The following ADCY6 variants were observed in gnomAD, a reference collection of about 807,000 sequenced individuals.
ADCY6 encodes adenylate cyclase 6.
ADCY6 carries 59 observed loss-of-function variants against 111.6 expected under a neutral mutation model. The ratio of observed to expected loss-of-function variants is 0.53; its 90% confidence interval spans 0.43 to 0.66. ADCY6 has a LOEUF of 0.66. ADCY6 is among the 30% of genes least tolerant of loss of function. The pLI is 0.00. For missense variants in ADCY6, 1,242 were observed against 1,595.6 expected (o/e 0.78, Z 3.78); for synonymous variants, 576 against 642.9 (o/e 0.90, Z 1.57).
intron 2 of ADCY6, 82 bp from the exon 3 acceptor site, chr12:48,778,339 T>C: frequency 2.5e-6 from 4 of 1,578,658 alleles, no homozygotes; most frequent in Non-Finnish European, 3.5e-6. Flanking sequence ...CACAACTTGC[T>C]AGGTTCTCTG....
At chr12:48,786,593 C>T (rs575482395) in intron 1 of ADCY6, among the ~76,000 whole-genome samples, 1 of 152,282 alleles carries the variant, frequency 6.6e-6, no homozygotes, top group East Asian at 1.9e-4. Context: ...GAACTCCTAA[C>T]CTCAGGTGAT....
At chr12:48,784,314 G>GGAAAT (rs1245882459) in intron 1 of ADCY6, among the ~76,000 whole-genome samples, 1 of 139,446 alleles carries the variant, frequency 7.2e-6, no homozygotes, top group Non-Finnish European at 1.5e-5. Context: ...GGGAAGGGAG[G>GGAAAT]GAAATAAAAT....
At position 48,774,624 on chromosome 12, in the gene ADCY6, T is replaced by C; in HGVS notation, c.2166+67A>G. On this transcript the variant is annotated intron_variant, in intron 13 of 21. Coordinates refer to ENST00000357869, the MANE Select transcript of ADCY6 (RefSeq NM_015270.5). ...AGGCATGGCCTTCTCCCTCTCCCCATGTGACCTCCTCCCTGTCTGGAGTCC... is the reference window on the plus strand; with the variant it reads ...AGGCATGGCCTTCTCCCTCTCCCCACGTGACCTCCTCCCTGTCTGGAGTCC... The C allele has an allele frequency of 3.8e-6, 6 of 1,580,292 alleles. No individual in the cohort carries two copies. In the East Asian group the frequency reaches 9.0e-5, roughly 24 times the overall value.
intron 2 of ADCY6, 155 bp from the exon 3 acceptor site, chr12:48,778,412 T>C: frequency 1.2e-6 from 1 of 811,432 alleles, no homozygotes; most frequent in Non-Finnish European, 2.0e-6. Context: ...CTGCAATATA[T>C]CTCTCCCATT....
At chr12:48,769,762 T>TG (rs1941479000) in intron 20 of ADCY6, among the ~76,000 whole-genome samples, 1 of 148,366 alleles carries the variant, frequency 6.7e-6, no homozygotes, top group Non-Finnish European at 1.5e-5. Flanking sequence ...AATTTTTGTT[T>TG]TTTTTTTTTT....
rs540394715 is a variant in ADCY6, at chr12:48,774,732, G to A, written c.2125C>T (p.Leu709=). The A allele has an allele frequency of 6.2e-7, 1 of 1,614,122 alleles. No homozygotes were observed. The highest frequency in any genetic ancestry group is 1.3e-5 in the African/African-American group (1 of 75,026). ...GIYASIFLLL[L]ITVLICAVYS... is the part of the protein sequence containing the mutation. ...ACAGCACAGATCAGCACGGTGATTA[G>A]CAGCAGCAGGAAGATGCTGGCATAG... is the stretch of plus-strand genomic sequence containing the variant. Residue 709 remains leucine, a synonymous_variant, in exon 13 of 22, where the codon CTA becomes TTA. Transcript: ENST00000357869.
chr12:48,768,268 T>G lies in ADCY6; in HGVS notation c.*323A>C. On this transcript the variant is annotated 3_prime_UTR_variant, in exon 22 of 22. Transcript: ENST00000357869. Reference sequence around the variant, plus strand: ...GAAGGGTAGGCATGGCAAGCTGCCATTTTAATCCCTCAGGCAAGAGGCCTC... The same window carrying G: ...GAAGGGTAGGCATGGCAAGCTGCCAGTTTAATCCCTCAGGCAAGAGGCCTC... 1 of 410,426 alleles carries G rather than the reference T, an allele frequency of 2.4e-6. No individual in the cohort carries two copies. The allele number at this position is 410,426 out of a possible 1,614,324, so 25.4% of individuals were successfully genotyped here.
Position 48,776,625 on chromosome 12 carries a change from TC to T in ADCY6, c.1377-40del, listed in dbSNP as rs747776660. Reference sequence around the variant, plus strand: ...GCCCCAGATCAGCTCCTGGCAGTCTTCCCCTCCCCCAGCCCACAACCCAGGC... The same window carrying T: ...GCCCCAGATCAGCTCCTGGCAGTCTTCCCTCCCCCAGCCCACAACCCAGGC... On this transcript the variant is annotated intron_variant, in intron 6 of 21. Transcript: ENST00000357869. The surrounding 1 kb of genome is among the most constrained non-coding windows in gnomAD (Gnocchi z 6.1). 1 of 1,573,132 alleles carries T rather than the reference TC, an allele frequency of 6.4e-7. No individual in the cohort carries two copies. Among genetic ancestry groups the T allele is most frequent in the Non-Finnish European group, 8.6e-7 (1 of 1,162,192 alleles).
Position 48,772,321 on chromosome 12 carries a change from G to T in ADCY6, c.2761C>A (p.Arg921Ser). The change falls in exon 18 of 22, where the codon CGC (arginine) becomes AGC (serine). Residue 921 changes from arginine to serine, a missense_variant. Transcript: ENST00000357869. ...TGTAGTTTCCAGAGGAAGTCTAGGC[G>T]GGCAGTCGACTCCACCTGCTGAGCA... ...LHAQQVESTA[R>S]LDFLWKLQAT... The T allele has an allele frequency of 1.2e-6, 2 of 1,613,856 alleles. No homozygotes were observed. The highest frequency in any genetic ancestry group is 1.7e-6 in the Non-Finnish European group (2 of 1,179,882).
intron 21 of ADCY6, 37 bp downstream of exon 21, chr12:48,768,900 C>T (rs761004559): frequency 6.3e-7 from 1 of 1,585,426 alleles, no homozygotes; most frequent in Non-Finnish European, 8.6e-7. Context: ...CCCTCCGGGC[C>T]CATGTTCCTC....
Position 48,768,467 on chromosome 12 carries a change from G to A in ADCY6, c.*124C>T. On this transcript the variant is annotated 3_prime_UTR_variant, in exon 22 of 22. Coordinates refer to ENST00000357869, the MANE Select transcript of ADCY6 (RefSeq NM_015270.5). ...TGATCCAAGCACAGCCTGCTGGGAT[G>A]TTCCCTTTTGTGGTTAGCAGGGTCT... The A allele has an allele frequency of 1.4e-6, 2 of 1,396,788 alleles. No homozygotes were observed. Among genetic ancestry groups the A allele is most frequent in the Admixed American group, 1.8e-5 (1 of 55,650 alleles). 86.5% of individuals were successfully genotyped at this position (1,396,788 alleles called of 1,614,324 possible).
Position 48,774,087 on chromosome 12 carries a change from G to A in ADCY6, c.2295C>T (p.Asn765=). The change falls in exon 15 of 22, where the codon AAC becomes AAT. Residue 765 remains asparagine, a synonymous_variant. Coordinates refer to ENST00000357869, the MANE Select transcript of ADCY6 (RefSeq NM_015270.5). ...CTGCACAGCTCCGTATGGGGGTGTGGTTACAGGTGAACTGCAAAAGTGGAG... is the reference window on the plus strand; with the variant it reads ...CTGCACAGCTCCGTATGGGGGTGTGATTACAGGTGAACTGCAAAAGTGGAG... ...TSAIANMFTC[N]HTPIRSCAAR... is the part of the protein sequence containing the mutation. 1 of 1,608,726 alleles carries A rather than the reference G, an allele frequency of 6.2e-7. No homozygotes were observed. The highest frequency in any genetic ancestry group is 2.2e-5 in the East Asian group (1 of 44,796).
In ADCY6 at chr12:48,783,011, G is replaced by A. The variant is rs1272833066; in HGVS notation, c.424C>T (p.Arg142Trp). The A allele has an allele frequency of 1.2e-6, 2 of 1,613,684 alleles. No homozygotes were observed. The highest frequency in any genetic ancestry group is 1.7e-6 in the Non-Finnish European group (2 of 1,179,906). Residue 142 changes from arginine (R) to tryptophan (W), a missense_variant, in exon 2 of 22, where the codon CGG becomes TGG. Transcript: ENST00000357869. ...RSAKLERLYQ[R>W]YFFQMNQSSL... ...CTCTGGTTCATCTGGAAGAAGTACCGCTGGTACAGGCGCTCCAGCTTGGCC... is the reference window on the plus strand; with the variant it reads ...CTCTGGTTCATCTGGAAGAAGTACCACTGGTACAGGCGCTCCAGCTTGGCC...
chr12:48,774,349 A>C (rs755057684), intron 14 of ADCY6, 53 bp downstream of exon 14: 12 of 1,520,108 alleles, frequency 7.9e-6, no homozygotes, highest in Non-Finnish European at 1.1e-5. Flanking sequence ...CCCAGTGTCC[A>C]GGACAGTGCT....
Position 48,776,984 on chromosome 12 carries a change from G to C in ADCY6, c.1376+120C>G, listed in dbSNP as rs1941721961. ...AGAAAGATTCCCCTTCCCAGTGACA[G>C]ACAGACCTCAAAGACAGAGAAAGCC... On this transcript the variant is annotated intron_variant, in intron 6 of 21. Coordinates refer to ENST00000357869, the MANE Select transcript of ADCY6 (RefSeq NM_015270.5). This position sits in a 1 kb window ranked among gnomAD's most constrained non-coding sequence, Gnocchi z 6.1. 2.1e-6 allele frequency: 3 copies of C among 1,403,000 alleles called. No individual in the cohort carries two copies. Among genetic ancestry groups the C allele is most frequent in the African/African-American group, 2.9e-5 (2 of 69,562 alleles). 86.9% of individuals were successfully genotyped at this position (1,403,000 alleles called of 1,614,324 possible).
At chr12:48,788,479 G>C (rs1178877005) in intron 1 of ADCY6, among the ~76,000 whole-genome samples, 1 of 152,080 alleles carries the variant, frequency 6.6e-6, no homozygotes, top group Non-Finnish European at 1.5e-5. Context: ...GTGAGGGGAA[G>C]GAGAGGGACT....
intron 20 of ADCY6, among the ~76,000 whole-genome samples, chr12:48,769,520 A>C (rs1201827865): frequency 1.3e-5 from 2 of 151,500 alleles, no homozygotes; most frequent in Non-Finnish European, 2.9e-5. Context: ...CTATAACAGT[A>C]ATCTCCTGAA....
rs190327328 is a variant in ADCY6, at chr12:48,786,982, T to C, written c.-5+1924A>G. Among the ~76,000 whole-genome samples, 5 of 152,282 alleles carry C rather than the reference T, an allele frequency of 3.3e-5. No individual in the cohort carries two copies. In the East Asian group the frequency reaches 9.6e-4, roughly 29 times the overall value. On this transcript the variant is annotated intron_variant, in intron 1 of 21. Transcript: ENST00000357869. ...TACACACTTGAAAAATATTAGTTCT[T>C]CTCCTCACTCTACAACACTTTAAAC...
intron 1 of ADCY6, among the ~76,000 whole-genome samples, chr12:48,786,963 C>T (rs184562937): frequency 6.6e-6 from 1 of 152,348 alleles, no homozygotes; most frequent in Admixed American, 6.5e-5. Context: ...GAAGTACACA[C>T]TTGAAAAATA....
Sources: gnomAD v4.1 joint callset for allele counts (sites outside exome capture counted in the v4.1 genomes callset) on GRCh38, gnomAD v4.1.1 for gene constraint, Gnocchi (gnomAD v3.1) non-coding constraint, MANE v1.5 for transcripts, NCBI Gene and HGNC (gene_info 2026-07-23, HGNC 2026-07-21) for gene names.